The following SAMD3 variants were observed in gnomAD, a reference collection of about 807,000 sequenced individuals.
SAMD3 encodes the protein sterile alpha motif domain-containing protein 3.
Under a neutral mutation model 58.5 loss-of-function variants are expected in SAMD3, and 63 were observed. That is an observed-to-expected ratio of 1.08 (90% CI 0.88 to 1.33). The LOEUF (loss-of-function observed/expected upper bound fraction) is 1.33, where lower values mean the gene tolerates loss of function less well. SAMD3 is among the 40% of genes most tolerant of loss of function. The pLI is 0.00. For synonymous variants in SAMD3, 220 were observed against 210.3 expected (o/e 1.05, Z -0.40); for missense variants, 604 against 608.4 (o/e 0.99, Z 0.08).
intron 2 of SAMD3, among the ~76,000 whole-genome samples, chr6:130,295,054 G>T (rs1458001074): frequency 6.6e-6 from 1 of 151,062 alleles, no homozygotes; most frequent in East Asian, 1.9e-4. Flanking sequence ...CTCCCAAGTA[G>T]CTGGGATTAC....
At chr6:130,295,465 G>C (rs978528790) in intron 2 of SAMD3, among the ~76,000 whole-genome samples, 1 of 152,170 alleles carries the variant, frequency 6.6e-6, no homozygotes, top group Admixed American at 6.5e-5. Context: ...TAGGATTGTA[G>C]TCAGTAGCAT....
chr6:130,308,421 TTC>T (rs76540590), intron 2 of SAMD3, among the ~76,000 whole-genome samples: 8 of 138,904 alleles, frequency 5.8e-5, no homozygotes, highest in Non-Finnish European at 1.1e-4. Context: ...TTCTATTCTA[TTC>T]TATTCTATTC....
In SAMD3 at chr6:130,291,006, C is replaced by T. The variant is rs570273303; in HGVS notation, c.-188+21972G>A. On this transcript the variant is annotated intron_variant, in intron 2 of 13. Transcript: ENST00000368134. Reference sequence around the variant, plus strand: ...CTTTCAATATTCTGCCTTATTATTCCCATTCACATACTCTGTCAGACCTTT... The same window carrying T: ...CTTTCAATATTCTGCCTTATTATTCTCATTCACATACTCTGTCAGACCTTT... Among the ~76,000 whole-genome samples, 13 of 152,274 alleles carry T rather than the reference C, an allele frequency of 8.5e-5. No individual in the cohort carries two copies. In the South Asian group the frequency reaches 2.7e-3, roughly 32 times the overall value.
intron 9 of SAMD3, among the ~76,000 whole-genome samples, chr6:130,149,160 C>T (rs187315543): frequency 2.7e-4 from 41 of 152,330 alleles, no homozygotes; most frequent in Admixed American, 2.7e-3. Context: ...AGTGAGATTC[C>T]TGGCTCCCAT....
intron 8 of SAMD3, 77 bp downstream of exon 8, chr6:130,175,764 A>C: frequency 1.1e-6 from 1 of 942,474 alleles, no homozygotes; most frequent in Non-Finnish European, 1.6e-6. Context: ...TAATTATTTT[A>C]AATGCTATTA....
intron 4 of SAMD3, among the ~76,000 whole-genome samples, chr6:130,211,664 T>C (rs1795581592): frequency 6.6e-6 from 1 of 152,044 alleles, no homozygotes; most frequent in African/African-American, 2.4e-5. Flanking sequence ...TTCAAACCAA[T>C]GTAAATCTTA....
intron 1 of SAMD3, among the ~76,000 whole-genome samples, chr6:130,360,286 T>C (rs911540992): frequency 6.6e-6 from 1 of 152,228 alleles, no homozygotes; most frequent in Non-Finnish European, 1.5e-5. Flanking sequence ...AAAAGAAATG[T>C]GTGAAAGTAT....
intron 2 of SAMD3, among the ~76,000 whole-genome samples, chr6:130,308,383 C>CTATTCTATTCTATTCTATT (rs2114984224): frequency 7.1e-6 from 1 of 140,390 alleles, no homozygotes; most frequent in African/African-American, 2.7e-5. Flanking sequence ...CTATTCTATT[C>CTATTCTATTCTATTCTATT]TATTCTATTC....
At chr6:130,245,985 G>A (rs1773530042) in intron 2 of SAMD3, among the ~76,000 whole-genome samples, 3 of 152,144 alleles carry the variant, frequency 2.0e-5, no homozygotes, top group Admixed American at 6.6e-5. Context: ...TTTTGTTCAT[G>A]CAAAGCCAGT....
chr6:130,245,613 G>T (rs778778878), intron 2 of SAMD3, among the ~76,000 whole-genome samples: 1 of 152,162 alleles, frequency 6.6e-6, no homozygotes, highest in African/African-American at 2.4e-5. Flanking sequence ...ATTGGTGGCC[G>T]CAACACAATA....
intron 8 of SAMD3, among the ~76,000 whole-genome samples, chr6:130,164,924 T>A (rs548989503): frequency 2.0e-5 from 3 of 151,954 alleles, no homozygotes; most frequent in Non-Finnish European, 4.4e-5. Flanking sequence ...GAGGGTTACA[T>A]CAGGAAGATA....
chr6:130,182,681 A>T (rs1792482714), intron 7 of SAMD3, among the ~76,000 whole-genome samples: 1 of 151,602 alleles, frequency 6.6e-6, no homozygotes, highest in Non-Finnish European at 1.5e-5. Context: ...GAAGGAAAGG[A>T]GGAAGGGAGG....
intron 1 of SAMD3, among the ~76,000 whole-genome samples, chr6:130,353,149 T>A (rs1225787032): frequency 1.3e-5 from 2 of 152,220 alleles, no homozygotes; most frequent in African/African-American, 4.8e-5. Context: ...AGCTTAACTG[T>A]CTGAGACAGA....
At chr6:130,213,599 G>A (rs1795765799) in intron 4 of SAMD3, among the ~76,000 whole-genome samples, 1 of 152,130 alleles carries the variant, frequency 6.6e-6, no homozygotes, top group East Asian at 1.9e-4. Flanking sequence ...TCTTGAAAAT[G>A]GAAAAATCAA....
At chr6:130,161,467 A>G (rs1450968409) in intron 8 of SAMD3, 2 of 152,190 alleles carry the variant, frequency 1.3e-5, no homozygotes, top group African/African-American at 4.8e-5. Flanking sequence ...ATGAAAATAA[A>G]GTTTCTAGAT....
intron 2 of SAMD3, among the ~76,000 whole-genome samples, chr6:130,286,002 T>A (rs958752778): frequency 3.9e-5 from 6 of 152,260 alleles, no homozygotes; most frequent in African/African-American, 1.4e-4. Flanking sequence ...GGTACATATA[T>A]CTGTCTATTT....
chr6:130,162,377 T>C (rs988073755), intron 8 of SAMD3: 19 of 658,414 alleles, frequency 2.9e-5, no homozygotes, highest in Non-Finnish European at 5.2e-5. Context: ...AATGTAGTTA[T>C]AGCTTTTTTA....
chr6:130,307,903 A>G (rs964209656), intron 2 of SAMD3, among the ~76,000 whole-genome samples: 17 of 152,200 alleles, frequency 1.1e-4, no homozygotes, highest in African/African-American at 3.6e-4. Flanking sequence ...ATAGCCAGTT[A>G]AGACCTGTGC....
chr6:130,153,665 T>TG (rs869206260), intron 9 of SAMD3, among the ~76,000 whole-genome samples: 21 of 97,790 alleles, frequency 2.1e-4, no homozygotes, highest in African/African-American at 6.7e-4. Flanking sequence ...TATATATATA[T>TG]TTATTTATTT....
Sources: gnomAD v4.1 joint callset for allele counts (sites outside exome capture counted in the v4.1 genomes callset) on GRCh38, gnomAD v4.1.1 for gene constraint, MANE v1.5 for transcripts, NCBI Gene and HGNC (gene_info 2026-07-23, HGNC 2026-07-21) for gene names.